Variants in ZNF516 observed in about 807,000 individuals in gnomAD.
ZNF516 encodes the protein zinc finger protein 516.
Under a neutral mutation model 79.7 loss-of-function variants are expected in ZNF516, and 19 were observed. The observed-to-expected ratio is 0.24, with a 90% CI of 0.17 to 0.35. The LOEUF is 0.35. ZNF516 is among the 10% of genes least tolerant of loss of function. The pLI, the probability that ZNF516 is intolerant of heterozygous loss-of-function variation, is 1.00. For synonymous variants in ZNF516, 877 were observed against 739.5 expected (o/e 1.19, Z -3.02); for missense variants, 1,678 against 1,679.5 (o/e 1.00, Z 0.02).
intron 3 of ZNF516, among the ~76,000 whole-genome samples, chr18:76,421,315 G>A (rs1368373515): frequency 1.3e-5 from 2 of 152,230 alleles, no homozygotes; most frequent in Non-Finnish European, 2.9e-5. Flanking sequence ...CTCCGAGGCT[G>A]CTGTCCTGGC....
At chr18:76,429,739 G>A (rs559778497) in intron 3 of ZNF516, among the ~76,000 whole-genome samples, 5 of 152,258 alleles carry the variant, frequency 3.3e-5, no homozygotes, top group East Asian at 1.9e-4. Flanking sequence ...TCTTCCACTC[G>A]AGAAAGAATA....
chr18:76,370,660 G>A, intron 5 of ZNF516, 65 bp from the exon 6 acceptor site: 2 of 1,348,412 alleles, frequency 1.5e-6, no homozygotes, highest in Non-Finnish European at 2.0e-6. Context: ...CATTAAATGA[G>A]TCCATTACAG....
intron 3 of ZNF516, 126 bp downstream of exon 3, chr18:76,441,119 G>T: frequency 5.9e-6 from 8 of 1,357,222 alleles, no homozygotes; most frequent in Non-Finnish European, 7.9e-6. Flanking sequence ...CATAGGCCTA[G>T]CTGAGTAAAG....
intron 3 of ZNF516, chr18:76,388,512 G>A (rs1344296877): frequency 2.0e-5 from 3 of 152,184 alleles, no homozygotes; most frequent in African/African-American, 7.2e-5. Flanking sequence ...CCACAAGGAG[G>A]AAGGTCTCAG....
chr18:76,373,695 G>A (rs536727427), intron 4 of ZNF516, among the ~76,000 whole-genome samples: 1 of 152,200 alleles, frequency 6.6e-6, no homozygotes, highest in Non-Finnish European at 1.5e-5. Context: ...TTTCCTTGAA[G>A]TAAGGGTGCA....
intron 3 of ZNF516, among the ~76,000 whole-genome samples, chr18:76,416,485 G>A (rs771169046): frequency 4.6e-5 from 7 of 152,172 alleles, no homozygotes; most frequent in Non-Finnish European, 1.0e-4. Flanking sequence ...TGGGGGTTTG[G>A]GGATTTTAGT....
chr18:76,375,704 G>A lies in ZNF516; in HGVS notation c.3259+3151C>T, dbSNP rs115803453. Among the ~76,000 whole-genome samples, 1,269 of 149,836 alleles carry A rather than the reference G, an allele frequency of 8.5e-3. 13 individuals are homozygous for A. Among genetic ancestry groups the A allele is most frequent in the African/African-American group, 0.03 (1,215 of 40,602 alleles). On this transcript the variant is annotated intron_variant, in intron 4 of 6. Transcript: ENST00000443185. ...GGAAGGCCCCGAAGACCAGGTAGAG[G>A]ATGGATGGGAAGGGCCAAGAGACCA...
intron 3 of ZNF516, among the ~76,000 whole-genome samples, chr18:76,425,227 G>C (rs750188930): frequency 6.6e-6 from 1 of 152,006 alleles, no homozygotes; most frequent in Non-Finnish European, 1.5e-5. Context: ...GGCATGGGAA[G>C]AGCCCACTGT....
chr18:76,391,972 C>CG (rs1284902485), intron 3 of ZNF516, among the ~76,000 whole-genome samples: 1 of 152,210 alleles, frequency 6.6e-6, no homozygotes, highest in African/African-American at 2.4e-5. Flanking sequence ...GGGAGAGGGA[C>CG]GGCGAGGCAA....
At chr18:76,452,974 T>G (rs892077616) in intron 2 of ZNF516, among the ~76,000 whole-genome samples, 3 of 152,202 alleles carry the variant, frequency 2.0e-5, no homozygotes, top group Non-Finnish European at 4.4e-5. Context: ...GTGGCTATTT[T>G]TATATCAGAA....
chr18:76,406,661 CTCTGCTGGCCTG>C (rs2075307946), intron 3 of ZNF516, among the ~76,000 whole-genome samples: 1 of 152,262 alleles, frequency 6.6e-6, no homozygotes, highest in African/African-American at 2.4e-5. Flanking sequence ...GCCTTCCTGG[CTCTGCTGGCCTG>C]TCTGCACGTT....
intron 3 of ZNF516, among the ~76,000 whole-genome samples, chr18:76,382,898 TAGCCA>T (rs1183915909): frequency 6.6e-6 from 1 of 151,960 alleles, no homozygotes. Context: ...ATACAAAAAT[TAGCCA>T]AGCGTGGTGG....
chr18:76,480,159 TAAAAAAAAAAA>T (rs539724418), intron 1 of ZNF516, among the ~76,000 whole-genome samples: 4 of 109,188 alleles, frequency 3.7e-5, no homozygotes, highest in East Asian at 2.7e-4. Flanking sequence ...AGATTTTGTG[TAAAAAAAAAAA>T]AAAAAAAAAA....
In ZNF516 at chr18:76,458,771, TCGTGTGCGTGCCTCACCGTCGTG is replaced by T. The variant is rs1336007492; in HGVS notation, c.-158+4234_-158+4256del. Among the ~76,000 whole-genome samples, 359 of 128,702 alleles carry T rather than the reference TCGTGTGCGTGCCTCACCGTCGTG, an allele frequency of 2.8e-3. 1 individual carries two copies. The highest frequency in any genetic ancestry group is 6.5e-3 in the Admixed American group (85 of 13,098). 84.4% of individuals were successfully genotyped at this position (128,702 alleles called of 152,430 possible). ...CCTCACCGTCGTGCGTGTGTGTGCCTCGTGTGCGTGCCTCACCGTCGTGCGTGTGCGTGCCTCACCGTCGTGCG... is the reference window on the plus strand; with the variant it reads ...CCTCACCGTCGTGCGTGTGTGTGCCTCGTGTGCGTGCCTCACCGTCGTGCG... On this transcript the variant is annotated intron_variant, in intron 2 of 6. Transcript: ENST00000443185.
At chr18:76,481,356 C>T (rs1236686676) in intron 1 of ZNF516, among the ~76,000 whole-genome samples, 2 of 152,236 alleles carry the variant, frequency 1.3e-5, no homozygotes, top group African/African-American at 4.8e-5. Flanking sequence ...TGTCCCAACC[C>T]CCTCTTGGAT....
At chr18:76,483,716 A>G (rs1440462510) in intron 1 of ZNF516, among the ~76,000 whole-genome samples, 6 of 152,132 alleles carry the variant, frequency 3.9e-5, no homozygotes, top group Non-Finnish European at 7.3e-5. Context: ...CACGTTGGTC[A>G]CTTACACTCT....
intron 1 of ZNF516, among the ~76,000 whole-genome samples, chr18:76,473,183 A>C (rs1159298239): frequency 1.3e-5 from 2 of 152,162 alleles, no homozygotes; most frequent in Non-Finnish European, 2.9e-5. Flanking sequence ...TTCATATTCC[A>C]ATAAAGAGAA....
chr18:76,358,508 C>A lies in ZNF516; in HGVS notation c.*3990G>T, dbSNP rs902031552. 1.3e-5 allele frequency: 2 copies of A among 152,370 alleles called. No individual in the cohort carries two copies. The highest frequency in any genetic ancestry group is 4.8e-5 in the African/African-American group (2 of 41,586). 9.4% of individuals were successfully genotyped at this position (152,370 alleles called of 1,614,324 possible). ...CCACAGGCACGTTACCGGGCTCCGG[C>A]GTGTGCTCCCACCAACCACGGCAAA... is the stretch of plus-strand genomic sequence containing the variant. On this transcript the variant is annotated 3_prime_UTR_variant, in exon 7 of 7. Transcript: ENST00000443185.
intron 3 of ZNF516, among the ~76,000 whole-genome samples, chr18:76,413,142 T>C (rs1321110855): frequency 2.6e-5 from 4 of 152,246 alleles, no homozygotes; most frequent in Non-Finnish European, 5.9e-5. Context: ...ATACGGTTTA[T>C]TCCCATTTTT....
Sources: gnomAD v4.1 joint callset for allele counts (sites outside exome capture counted in the v4.1 genomes callset) on GRCh38, gnomAD v4.1.1 for gene constraint, MANE v1.5 for transcripts, NCBI Gene and HGNC (gene_info 2026-07-23, HGNC 2026-07-21) for gene names.